The following INTS3 variants were observed in gnomAD, a reference collection of about 807,000 sequenced individuals.
INTS3 encodes integrator complex subunit 3, also known as SOSS complex subunit A.
Under a neutral mutation model 146.3 loss-of-function variants are expected in INTS3, and 34 were observed. The ratio of observed to expected loss-of-function variants is 0.23; its 90% CI spans 0.18 to 0.31. The LOEUF is 0.31. Among genes scored for constraint, INTS3 ranks in the 10% least tolerant of loss-of-function variants. The probability of loss-of-function intolerance (pLI) is 1.00; values close to 1 mark genes in which losing one functional copy is unlikely to be tolerated. For synonymous variants in INTS3, 475 were observed against 494.9 expected, an observed-to-expected ratio of 0.96 and a Z score of 0.53; for missense variants, 757 against 1,304.2, an observed-to-expected ratio of 0.58 and a Z score of 6.46.
Position 153,772,264 on chromosome 1 carries a change from C to A in INTS3, c.2721-76C>A. 1.3e-6 allele frequency: 2 copies of A among 1,511,532 alleles called. No homozygotes were observed. The highest frequency in any genetic ancestry group is 1.8e-6 in the Non-Finnish European group (2 of 1,102,788). The allele number at this position is 1,511,532 out of a possible 1,614,324, so 93.6% of individuals were successfully genotyped here. A position where few individuals can be genotyped will look rare whatever the true frequency, so the allele number is the denominator to read the frequency against. On this transcript the variant is annotated intron_variant, in intron 26 of 29. Coordinates refer to ENST00000318967, the MANE Select transcript of INTS3 (RefSeq NM_023015.5). The surrounding 1 kb of genome is among the most constrained non-coding windows in gnomAD (Gnocchi z 4.6). The stretch of plus-strand genomic sequence containing the variant: ...GTAGGCTGCCTCTGTCTTAAGGGGG[C>A]CCTGGCGGGTGGAGGGTGTCTCGCA...
In INTS3 at chr1:153,752,305, G is replaced by T; in HGVS notation, c.756G>T (p.Arg252=). ...ERFMECLMIG[R]DLVRLLQNVA... Reference sequence around the variant, plus strand: ...TCATGGAATGTCTGATGATTGGTCGGGATCTCGTAAGACTACTTCAGAATG... The same window carrying T: ...TCATGGAATGTCTGATGATTGGTCGTGATCTCGTAAGACTACTTCAGAATG... Residue 252 remains arginine, a synonymous_variant, in exon 8 of 30, where the codon CGG becomes CGT. Transcript: ENST00000318967. The T allele has an allele frequency of 1.9e-6, 3 of 1,613,398 alleles. No individual in the cohort carries two copies. The highest frequency in any genetic ancestry group is 2.5e-6 in the Non-Finnish European group (3 of 1,179,576).
chr1:153,767,557 A>T, intron 20 of INTS3, 117 bp from the exon 21 acceptor site: 1 of 1,086,686 alleles, frequency 9.2e-7, no homozygotes, highest in Non-Finnish European at 1.3e-6. Context: ...CATGAGGCAG[A>T]TTAGCACAGG....
At position 153,733,114 on chromosome 1, in the gene INTS3, T is replaced by A. The variant is rs1159684853; in HGVS notation, c.150+4330T>A. On this transcript the variant is annotated intron_variant, in intron 1 of 29. Transcript: ENST00000318967. ...CCTCGGCCTCCTAAAGTGCTGGGATTACAGGAATGAGCCACCGTGCCGGGC... is the reference window on the plus strand; with the variant it reads ...CCTCGGCCTCCTAAAGTGCTGGGATAACAGGAATGAGCCACCGTGCCGGGC... Among the ~76,000 whole-genome samples the A allele has an allele frequency of 8.0e-5, 12 of 149,638 alleles. No homozygotes were observed. The Admixed American group carries it at 8.0e-4, about 10-fold the overall frequency.
intron 25 of INTS3, 139 bp downstream of exon 25, chr1:153,770,872 A>C: frequency 4.3e-6 from 3 of 705,366 alleles, no homozygotes; most frequent in Non-Finnish European, 7.5e-6. Context: ...CCTTCCCCCA[A>C]CGTGACTTAC....
chr1:153,735,497 T>C (rs1671251764), intron 1 of INTS3, among the ~76,000 whole-genome samples: 1 of 152,210 alleles, frequency 6.6e-6, no homozygotes, highest in Non-Finnish European at 1.5e-5. Flanking sequence ...CTGTTTGATT[T>C]TGCTTGCCTT....
rs181942313 is a variant in INTS3, at chr1:153,762,241, G to A, written c.1517-487G>A. On this transcript the variant is annotated intron_variant, in intron 14 of 29. Coordinates refer to ENST00000318967, the MANE Select transcript of INTS3 (RefSeq NM_023015.5). Reference sequence around the variant, plus strand: ...AGGCGGGTGGATCACTTGAGGTCAGGAGTTCAAGACCAGCCTGGCCAACAT... The same window carrying A: ...AGGCGGGTGGATCACTTGAGGTCAGAAGTTCAAGACCAGCCTGGCCAACAT... Among the ~76,000 whole-genome samples the A allele has an allele frequency of 1.1e-3, 172 of 152,326 alleles. 2 individuals carry two copies. Among genetic ancestry groups the A allele is most frequent in the African/African-American group, 4.0e-3 (165 of 41,558 alleles).
chr1:153,741,152 A>G (rs901198124), intron 2 of INTS3, 133 bp from the exon 3 acceptor site: 1 of 733,274 alleles, frequency 1.4e-6, no homozygotes, highest in Admixed American at 2.2e-5. Context: ...AGAGAAGGAA[A>G]TCATCAGATT....
At chr1:153,764,034 C>A in intron 17 of INTS3, 84 bp from the exon 18 acceptor site, 1 of 1,312,442 alleles carries the variant, frequency 7.6e-7, no homozygotes, top group Non-Finnish European at 1.1e-6. Flanking sequence ...GAGGTGGAAG[C>A]AGATGAGTTC....
At chr1:153,752,142 C>G in intron 7 of INTS3, 137 bp from the exon 8 acceptor site, 1 of 890,090 alleles carries the variant, frequency 1.1e-6, no homozygotes. Flanking sequence ...TCCTTTGGTT[C>G]CAGAAGAAAT....
chr1:153,753,793 T>C, intron 8 of INTS3: 1 of 152,004 alleles, frequency 6.6e-6, no homozygotes, highest in Non-Finnish European at 1.5e-5. Context: ...GTAGCTAGGA[T>C]TACAGGCACC....
Position 153,760,812 on chromosome 1 carries a change from C to G in INTS3, c.1318-15C>G. On this transcript the variant is annotated splice_polypyrimidine_tract_variant and intron_variant, in intron 12 of 29. Coordinates refer to ENST00000318967, the MANE Select transcript of INTS3 (RefSeq NM_023015.5). Reference sequence around the variant, plus strand: ...GAGTCCTGTGCTCATTTTTCCCCTCCTTCTTCGCTTCCAGATCATTCCCAA... The same window carrying G: ...GAGTCCTGTGCTCATTTTTCCCCTCGTTCTTCGCTTCCAGATCATTCCCAA... The G allele has an allele frequency of 4.4e-6, 7 of 1,605,840 alleles. No individual in the cohort carries two copies. Among genetic ancestry groups the G allele is most frequent in the Non-Finnish European group, 5.1e-6 (6 of 1,172,554 alleles).
rs961644196 is a variant in INTS3, at chr1:153,746,348, G to A, written c.319-609G>A. Among the ~76,000 whole-genome samples, 5 of 152,196 alleles carry A rather than the reference G, an allele frequency of 3.3e-5. No individual in the cohort carries two copies. In the East Asian group the frequency reaches 9.7e-4, roughly 29 times the overall value. On this transcript the variant is annotated intron_variant, in intron 3 of 29. Coordinates refer to ENST00000318967, the MANE Select transcript of INTS3 (RefSeq NM_023015.5). ...TATGACACTTCCTAAGATGGGAAGT[G>A]GGGGGGACAGGGATAGTACTAGGAG...
At chr1:153,771,727 A>C in intron 25 of INTS3, 69 bp from the exon 26 acceptor site, 1 of 1,486,096 alleles carries the variant, frequency 6.7e-7, no homozygotes, top group East Asian at 2.3e-5. Flanking sequence ...TTGGGAAATA[A>C]GTGGGAGAGA....
intron 8 of INTS3, 61 bp from the exon 9 acceptor site, chr1:153,754,581 C>A: frequency 8.6e-7 from 1 of 1,157,802 alleles, no homozygotes; most frequent in Non-Finnish European, 1.3e-6. Context: ...TCCCAACATG[C>A]CTTTCATTCT....
chr1:153,746,983 T>A lies in INTS3; in HGVS notation c.345T>A (p.Ser115Arg). 1 of 1,613,582 alleles carries A rather than the reference T, an allele frequency of 6.2e-7. No individual in the cohort carries two copies. The highest frequency in any genetic ancestry group is 1.1e-5 in the South Asian group (1 of 91,058). ...QKCYRDLALV[S>R]RDGMNIVLNK... ...GTTACCGGGACTTAGCTCTGGTGAG[T>A]CGTGATGGCATGAATATTGTCCTGA... The change falls in exon 4 of 30, where the codon AGT (serine) becomes AGA (arginine). Residue 115 changes from serine to arginine, a missense_variant. By Grantham distance (110) the Ser-to-Arg change is moderately radical. Coordinates refer to ENST00000318967, the MANE Select transcript of INTS3 (RefSeq NM_023015.5).
At chr1:153,748,802 T>C in intron 6 of INTS3, 47 bp downstream of exon 6, 1 of 1,453,822 alleles carries the variant, frequency 6.9e-7, no homozygotes. Context: ...TAATGGCCAT[T>C]AGGAGTGTGG....
At position 153,759,876 on chromosome 1, in the gene INTS3, G is replaced by A; in HGVS notation, c.1237+263G>A. On this transcript the variant is annotated intron_variant, in intron 11 of 29. Transcript: ENST00000318967. Reference sequence around the variant, plus strand: ...GAGGGCATGGGCAAAGGAAAAGGCTGTACCATGTCCTGCTTCTCCTCACCT... The same window carrying A: ...GAGGGCATGGGCAAAGGAAAAGGCTATACCATGTCCTGCTTCTCCTCACCT... 4 of 541,788 alleles carry A rather than the reference G, an allele frequency of 7.4e-6. No individual in the cohort carries two copies. In the East Asian group the frequency reaches 1.2e-4, roughly 16 times the overall value. The allele number at this position is 541,788 out of a possible 1,614,324, so 33.6% of individuals were successfully genotyped here.
At position 153,728,341 on chromosome 1, in the gene INTS3, G is replaced by A. The variant is rs769012338; in HGVS notation, c.-294G>A. The A allele has an allele frequency of 1.2e-4, 47 of 404,286 alleles. No individual in the cohort carries two copies. The highest frequency in any genetic ancestry group is 1.9e-4 in the Non-Finnish European group (44 of 229,338). 25.0% of individuals were successfully genotyped at this position (404,286 alleles called of 1,614,324 possible). ...AGGGTCCACTTCTTCAGGGGCGGAA[G>A]CCTCTCCTACCCTTCCCATAGGGAC... On this transcript the variant is annotated 5_prime_UTR_variant, in exon 1 of 30. Coordinates refer to ENST00000318967, the MANE Select transcript of INTS3 (RefSeq NM_023015.5).
chr1:153,739,013 C>T (rs1023817115), intron 1 of INTS3, among the ~76,000 whole-genome samples: 5 of 151,808 alleles, frequency 3.3e-5, no homozygotes, highest in African/African-American at 1.2e-4. Context: ...CCTGCCTCAG[C>T]CTCCTGAGAA....
Sources: allele counts gnomAD v4.1 joint callset (sites outside exome capture counted in the v4.1 genomes callset), GRCh38; gene constraint gnomAD v4.1.1; non-coding constraint Gnocchi (gnomAD v3.1); transcripts MANE v1.5; gene names NCBI Gene and HGNC (gene_info 2026-07-23, HGNC 2026-07-21).